AKT3: variants seen among roughly 807,000 people sequenced by gnomAD.
The protein encoded by AKT3 is AKT serine/threonine kinase 3.
A neutral mutation model predicts 65.3 loss-of-function variants in AKT3; 15 were observed. The observed-to-expected ratio is 0.23, with a 90% CI of 0.15 to 0.35. The LOEUF is 0.35. Among genes scored for constraint, AKT3 ranks in the 10% least tolerant of loss-of-function variants. The pLI, the probability that AKT3 is intolerant of heterozygous loss-of-function variation, is 1.00. For missense variants in AKT3, 243 were observed against 576.5 expected (o/e 0.42, Z 5.92); for synonymous variants, 206 against 183.8 (o/e 1.12, Z -0.98).
chr1:243,560,716 T>C (rs1673717017), intron 10 of AKT3, among the ~76,000 whole-genome samples: 1 of 152,150 alleles, frequency 6.6e-6, no homozygotes, highest in Non-Finnish European at 1.5e-5. Flanking sequence ...ACTATAAACT[T>C]TCCATTCAGA....
chr1:243,724,458 A>G (rs576294376), intron 2 of AKT3, among the ~76,000 whole-genome samples: 1 of 152,302 alleles, frequency 6.6e-6, no homozygotes, highest in South Asian at 2.1e-4. Flanking sequence ...TTTCAAAAGC[A>G]TATTTTTTTC....
chr1:243,651,542 G>A (rs773852856), intron 4 of AKT3, among the ~76,000 whole-genome samples: 10 of 152,100 alleles, frequency 6.6e-5, no homozygotes, highest in Non-Finnish European at 1.3e-4. Flanking sequence ...GTCTTAAATA[G>A]CTGTTATTAT....
intron 2 of AKT3, among the ~76,000 whole-genome samples, chr1:243,750,563 G>A (rs1333817083): frequency 6.6e-6 from 1 of 151,494 alleles, no homozygotes. Flanking sequence ...ATTAGTAAAT[G>A]CTTGTTGATT....
At chr1:243,846,878 T>C (rs2148485160) in intron 1 of AKT3, among the ~76,000 whole-genome samples, 1 of 152,326 alleles carries the variant, frequency 6.6e-6, no homozygotes, top group South Asian at 2.1e-4. Flanking sequence ...GAAAATCACT[T>C]TCAAAAGTGT....
intron 2 of AKT3, among the ~76,000 whole-genome samples, chr1:243,728,512 C>T (rs1293666213): frequency 1.3e-5 from 2 of 152,146 alleles, no homozygotes; most frequent in Non-Finnish European, 2.9e-5. Context: ...TTATGGTGTG[C>T]TAATGCATCA....
chr1:243,688,383 G>A (rs998369090), intron 3 of AKT3, among the ~76,000 whole-genome samples: 1 of 152,050 alleles, frequency 6.6e-6, no homozygotes, highest in African/African-American at 2.4e-5. Context: ...GTTTAATTGT[G>A]GATATATATT....
intron 5 of AKT3, among the ~76,000 whole-genome samples, chr1:243,642,686 G>A (rs1380880084): frequency 6.6e-6 from 1 of 152,110 alleles, no homozygotes; most frequent in Admixed American, 6.5e-5. Flanking sequence ...CTGATCTTAA[G>A]AATTTATTGG....
chr1:243,759,243 A>T (rs1215300322), intron 2 of AKT3, among the ~76,000 whole-genome samples: 1 of 152,190 alleles, frequency 6.6e-6, no homozygotes, highest in Admixed American at 6.6e-5. Context: ...TGAGCCCAGG[A>T]GGTCGAGGCT....
At chr1:243,631,001 G>A (rs916602870) in intron 6 of AKT3, among the ~76,000 whole-genome samples, 6 of 149,910 alleles carry the variant, frequency 4.0e-5, no homozygotes, top group African/African-American at 1.2e-4. Context: ...ACAGGCATAC[G>A]TCAGGTTTTG....
intron 8 of AKT3, among the ~76,000 whole-genome samples, chr1:243,592,351 A>G (rs1437484481): frequency 6.6e-6 from 1 of 152,058 alleles, no homozygotes; most frequent in Non-Finnish European, 1.5e-5. Context: ...AAAAAAGACA[A>G]AAAACAAACA....
chr1:243,517,298 C>T lies in AKT3; in HGVS notation c.1252-4872G>A, dbSNP rs114095491. ...TAAGTGTTCTTATGCTGTTGGGTAG[C>T]GTGTTCCATAAATGTCAGTTAGATC... On this transcript the variant is annotated intron_variant, in intron 12 of 13. Coordinates refer to ENST00000673466, the MANE Select transcript of AKT3 (RefSeq NM_005465.7). Among the ~76,000 whole-genome samples the T allele has an allele frequency of 8.2e-4, 125 of 152,230 alleles. 1 individual carries two copies. The highest frequency in any genetic ancestry group is 1.3e-3 in the Non-Finnish European group (87 of 68,016).
chr1:243,798,187 G>T (rs186977575), intron 2 of AKT3, among the ~76,000 whole-genome samples: 1 of 144,172 alleles, frequency 6.9e-6, no homozygotes, highest in Non-Finnish European at 1.5e-5. Context: ...GATTACAGGC[G>T]TGAGCCACTG....
intron 2 of AKT3, among the ~76,000 whole-genome samples, chr1:243,765,123 CT>C (rs1239191058): frequency 5.9e-5 from 9 of 151,958 alleles, no homozygotes; most frequent in Non-Finnish European, 8.8e-5. Flanking sequence ...AAAAGTTTTA[CT>C]TATTCTAAAA....
chr1:243,835,885 A>C (rs558145160), intron 2 of AKT3, among the ~76,000 whole-genome samples: 1 of 152,290 alleles, frequency 6.6e-6, no homozygotes, highest in African/African-American at 2.4e-5. Flanking sequence ...ATTAACTATA[A>C]ATTTTTAAAT....
At chr1:243,767,038 A>G (rs962250595) in intron 2 of AKT3, among the ~76,000 whole-genome samples, 6 of 152,188 alleles carry the variant, frequency 3.9e-5, no homozygotes, top group East Asian at 1.9e-4. Context: ...TGTTATTTTA[A>G]TAAGTACCTG....
intron 2 of AKT3, among the ~76,000 whole-genome samples, chr1:243,748,911 C>A (rs944777301): frequency 6.6e-6 from 1 of 152,120 alleles, no homozygotes; most frequent in Admixed American, 6.6e-5. Context: ...TGAAGTACTA[C>A]TTGGTACTTC....
At chr1:243,816,646 A>G (rs755857347) in intron 2 of AKT3, among the ~76,000 whole-genome samples, 31 of 152,212 alleles carry the variant, frequency 2.0e-4, no homozygotes, top group Admixed American at 7.2e-4. Context: ...AAACAACACA[A>G]AGGCAGAACA....
At chr1:243,562,872 G>A (rs1168890190) in intron 10 of AKT3, among the ~76,000 whole-genome samples, 1 of 152,086 alleles carries the variant, frequency 6.6e-6, no homozygotes, top group African/African-American at 2.4e-5. Flanking sequence ...GTGCCCATTT[G>A]CATTCCTGAT....
chr1:243,667,711 T>G (rs1269648342), intron 3 of AKT3, among the ~76,000 whole-genome samples: 1 of 152,180 alleles, frequency 6.6e-6, no homozygotes, highest in African/African-American at 2.4e-5. Flanking sequence ...AGTGTTTCAG[T>G]TCACTAAGAA....
Sources: allele counts gnomAD v4.1 joint callset (sites outside exome capture counted in the v4.1 genomes callset), GRCh38; gene constraint gnomAD v4.1.1; transcripts MANE v1.5; gene names NCBI Gene and HGNC (gene_info 2026-07-23, HGNC 2026-07-21).